Variants in DEFB123 observed in about 807,000 individuals in gnomAD.
DEFB123 encodes the protein beta-defensin 123.
For missense variants in DEFB123, 71 were observed against 75.0 expected (o/e 0.95, Z 0.20); for synonymous variants, 22 against 28.3 (o/e 0.78, Z 0.71).
chr20:31,447,901 C>T (rs933407860), intron 1 of DEFB123, among the ~76,000 whole-genome samples: 1 of 150,794 alleles, frequency 6.6e-6, no homozygotes, highest in Non-Finnish European at 1.5e-5. Flanking sequence ...ATTGTCCTGC[C>T]TCAGCCTACC....
At chr20:31,443,245 G>A (rs543510836) in intron 1 of DEFB123, among the ~76,000 whole-genome samples, 1 of 152,248 alleles carries the variant, frequency 6.6e-6, no homozygotes, top group African/African-American at 2.4e-5. Flanking sequence ...AGTTAAGGCT[G>A]TTCACACCCT....
At chr20:31,443,274 C>CT (rs983818101) in intron 1 of DEFB123, among the ~76,000 whole-genome samples, 2 of 152,134 alleles carry the variant, frequency 1.3e-5, no homozygotes, top group African/African-American at 4.8e-5. Flanking sequence ...GCCTTCTGCA[C>CT]TAGGGGTGTA....
chr20:31,440,844 G>A, intron 1 of DEFB123, 88 bp downstream of exon 1: 1 of 1,530,510 alleles, frequency 6.5e-7, no homozygotes. Context: ...TGGGCTGCAG[G>A]TTGTCATCTA....
chr20:31,448,906 T>C (rs35462457), intron 1 of DEFB123, among the ~76,000 whole-genome samples: 3 of 150,822 alleles, frequency 2.0e-5, no homozygotes, highest in African/African-American at 7.3e-5. Flanking sequence ...TTTTGTATTT[T>C]TAGTAGAGAT....
chr20:31,447,001 A>G (rs1318598709), intron 1 of DEFB123, among the ~76,000 whole-genome samples: 1 of 150,038 alleles, frequency 6.7e-6, no homozygotes, highest in African/African-American at 2.5e-5. Flanking sequence ...GGTGGCTCAC[A>G]CCTGTAATCC....
chr20:31,447,889 C>A (rs1263965083), intron 1 of DEFB123, among the ~76,000 whole-genome samples: 1 of 150,972 alleles, frequency 6.6e-6, no homozygotes, highest in Non-Finnish European at 1.5e-5. Context: ...CGGGTTCACG[C>A]CATTGTCCTG....
intron 1 of DEFB123, among the ~76,000 whole-genome samples, chr20:31,449,035 T>C (rs1039186554): frequency 6.6e-6 from 1 of 152,010 alleles, no homozygotes; most frequent in Admixed American, 6.6e-5. Flanking sequence ...GCCATGAATA[T>C]TTTTTACATC....
chr20:31,444,110 A>G (rs1008217215), intron 1 of DEFB123, among the ~76,000 whole-genome samples: 5 of 152,156 alleles, frequency 3.3e-5, no homozygotes, highest in African/African-American at 4.8e-5. Flanking sequence ...ACTCTGCCCA[A>G]TTCTGCTTTT....
rs73232315 is a variant in DEFB123 at position 31,443,167 on chromosome 20, T to C, written c.58+2411T>C. 1.4e-3 allele frequency among the ~76,000 whole-genome samples: 206 copies of C among 152,260 alleles called. 1 individual carries two copies. The highest frequency in any genetic ancestry group is 6.8e-3 in the Middle Eastern group (2 of 292). ...ACTGGATTTCATGACTGATGAAATC[T>C]CTCAGCCCTTTTGGGGTCCCCACTG... On this transcript the variant is annotated intron_variant, in intron 1 of 1. Transcript: ENST00000376309.
At chr20:31,444,949 A>T (rs6120292) in intron 1 of DEFB123, among the ~76,000 whole-genome samples, 34,989 of 152,064 alleles carry the variant, frequency 0.23, 4,787 homozygotes, top group African/African-American at 0.36. Flanking sequence ...ATCCCTAGAC[A>T]CCCTATTTAT....
chr20:31,443,808 A>G (rs1254027194), intron 1 of DEFB123, among the ~76,000 whole-genome samples: 2 of 152,134 alleles, frequency 1.3e-5, no homozygotes, highest in African/African-American at 2.4e-5. Flanking sequence ...TGGGCAGAGT[A>G]TTTCCCCTCT....
At chr20:31,447,526 G>A (rs1050428820) in intron 1 of DEFB123, among the ~76,000 whole-genome samples, 1 of 151,636 alleles carries the variant, frequency 6.6e-6, no homozygotes, top group Non-Finnish European at 1.5e-5. Flanking sequence ...CCTCTGTAAA[G>A]AATTCTGGGC....
At position 31,440,896 on chromosome 20, in the gene DEFB123, G is replaced by A. The variant is rs1235339296; in HGVS notation, c.58+140G>A. On this transcript the variant is annotated intron_variant, in intron 1 of 1. Coordinates refer to ENST00000376309, the MANE Select transcript of DEFB123 (RefSeq NM_153324.4). ...GCAGGAGGCGCCTCACCAGCAGCAG[G>A]TGCCAGCTGATAGATGACAACTACA... The A allele has an allele frequency of 9.6e-6, 9 of 939,938 alleles. No individual in the cohort carries two copies. The African/African-American group carries it at 1.3e-4, about 14-fold the overall frequency. The allele number at this position is 939,938 out of a possible 1,614,324, so 58.2% of individuals were successfully genotyped here.
chr20:31,447,780 CTTTTTTTT>C (rs34763122), intron 1 of DEFB123, among the ~76,000 whole-genome samples: 2 of 64,470 alleles, frequency 3.1e-5, no homozygotes, highest in Non-Finnish European at 5.2e-5. Context: ...ACACACCCGG[CTTTTTTTT>C]TTTTTTTTTT....
intron 1 of DEFB123, among the ~76,000 whole-genome samples, chr20:31,447,093 T>C (rs1453407411): frequency 1.3e-5 from 2 of 151,898 alleles, no homozygotes; most frequent in African/African-American, 4.8e-5. Context: ...AGAAACCCCG[T>C]CTCTACTAAA....
chr20:31,446,744 T>C (rs1979594150), intron 1 of DEFB123, among the ~76,000 whole-genome samples: 1 of 152,182 alleles, frequency 6.6e-6, no homozygotes, highest in Non-Finnish European at 1.5e-5. Context: ...AACAGTATAC[T>C]GTACTTCCAT....
At chr20:31,448,717 T>A (rs6088250) in intron 1 of DEFB123, among the ~76,000 whole-genome samples, 113,521 of 150,430 alleles carry the variant, frequency 0.75, 43,022 homozygotes, top group African/African-American at 0.84. Flanking sequence ...ATATATATAT[T>A]TTTTTTTCTT....
Position 31,449,904 on chromosome 20 carries a change from G to T in DEFB123, c.59-125G>T. 6.7e-6 allele frequency: 8 copies of T among 1,201,476 alleles called. No homozygotes were observed. The South Asian group carries it at 1.3e-4, about 20-fold the overall frequency. The allele number at this position is 1,201,476 out of a possible 1,614,324, so 74.4% of individuals were successfully genotyped here. ...AAGGAAAAACAGTGATAGATGAAAA[G>T]AGTCAAAGGCAAGGGAAACAAGGGA... is the stretch of plus-strand genomic sequence containing the variant. On this transcript the variant is annotated intron_variant, in intron 1 of 1. Coordinates refer to ENST00000376309, the MANE Select transcript of DEFB123 (RefSeq NM_153324.4).
intron 1 of DEFB123, among the ~76,000 whole-genome samples, chr20:31,446,281 T>A (rs1321480097): frequency 1.3e-5 from 2 of 152,216 alleles, no homozygotes; most frequent in Admixed American, 1.3e-4. Flanking sequence ...TGTAAAGGAA[T>A]TAACATCAGG....
Sources: gnomAD v4.1 joint callset for allele counts (sites outside exome capture counted in the v4.1 genomes callset) on GRCh38, gnomAD v4.1.1 for gene constraint, MANE v1.5 for transcripts, NCBI Gene and HGNC (gene_info 2026-07-23, HGNC 2026-07-21) for gene names.